The following NOL10 variants were observed in gnomAD, a reference collection of about 807,000 sequenced individuals.
NOL10 encodes nucleolar protein 10.
In NOL10, 58 loss-of-function variants were observed where a neutral mutation model predicts 103.5. That is an observed-to-expected ratio of 0.56 (90% CI 0.45 to 0.70). The LOEUF is 0.70. NOL10 is among the 30% of genes least tolerant of loss of function. The pLI is 0.00. For synonymous variants in NOL10, 287 were observed against 282.5 expected (o/e 1.02, Z -0.16); for missense variants, 763 against 807.3 (o/e 0.95, Z 0.67).
chr2:10,584,340 CTGA>C (rs1432575627), intron 19 of NOL10, among the ~76,000 whole-genome samples: 9 of 152,104 alleles, frequency 5.9e-5, no homozygotes, highest in African/African-American at 2.2e-4. Context: ...GGTGGAGAGG[CTGA>C]TAAGTGGATG....
intron 1 of NOL10, among the ~76,000 whole-genome samples, chr2:10,686,952 G>T (rs892004761): frequency 6.6e-6 from 1 of 152,216 alleles, no homozygotes; most frequent in Non-Finnish European, 1.5e-5. Flanking sequence ...CACAAGTCCA[G>T]TTCAGAGTAG....
At chr2:10,650,153 A>G (rs1679358798) in intron 12 of NOL10, among the ~76,000 whole-genome samples, 1 of 152,208 alleles carries the variant, frequency 6.6e-6, no homozygotes. Context: ...TCTACAATTA[A>G]AATGTTAGCA....
chr2:10,632,398 G>C (rs1375506135), intron 13 of NOL10, among the ~76,000 whole-genome samples: 3 of 152,180 alleles, frequency 2.0e-5, no homozygotes, highest in Non-Finnish European at 2.9e-5. Context: ...ATACATAAAT[G>C]AATGGGCTCA....
chr2:10,668,241 G>A (rs1231003316), intron 7 of NOL10, among the ~76,000 whole-genome samples: 2 of 152,102 alleles, frequency 1.3e-5, no homozygotes, highest in Non-Finnish European at 2.9e-5. Context: ...GTACATATGT[G>A]TAGACTATAA....
Position 10,663,264 on chromosome 2 carries a change from G to A in NOL10, c.592-220C>T, listed in dbSNP as rs193297695. Among the ~76,000 whole-genome samples the A allele has an allele frequency of 2.6e-5, 4 of 152,090 alleles. No individual in the cohort carries two copies. The East Asian group carries it at 7.7e-4, about 29-fold the overall frequency. ...CGCCTGTAATCCCAGCTACTTGGGA[G>A]GCTAAGGCAGAAGAACTGCTTGAAC... On this transcript the variant is annotated intron_variant, in intron 8 of 20. Transcript: ENST00000381685.
chr2:10,583,796 C>T (rs1407702914), intron 19 of NOL10, among the ~76,000 whole-genome samples: 1 of 152,226 alleles, frequency 6.6e-6, no homozygotes, highest in Non-Finnish European at 1.5e-5. Context: ...GAGCTGGTCT[C>T]TGGGTGTCCA....
At position 10,689,941 on chromosome 2, in the gene NOL10, C is replaced by A. The variant is rs927696203; in HGVS notation, c.-80G>T. ...CACCGTAATCCCGGGACCTCCGAGC[C>A]CCTGCTCCGCGGCGTGCGGCCGCTG... On this transcript the variant is annotated 5_prime_UTR_variant, in exon 1 of 21. Transcript: ENST00000381685. 6.6e-6 allele frequency: 9 copies of A among 1,367,532 alleles called. No homozygotes were observed. Among genetic ancestry groups the A allele is most frequent in the African/African-American group, 1.4e-5 (1 of 69,208 alleles). The allele number at this position is 1,367,532 out of a possible 1,614,324, so 84.7% of individuals were successfully genotyped here. A position where few individuals can be genotyped will look rare whatever the true frequency, so the allele number is the denominator to read the frequency against.
intron 12 of NOL10, among the ~76,000 whole-genome samples, chr2:10,645,944 T>TACACACATACACACACAC (rs1553308323): frequency 2.7e-5 from 4 of 147,592 alleles, no homozygotes; most frequent in African/African-American, 9.9e-5. Flanking sequence ...CACACACACA[T>TACACACATACACACACAC]ACACACACAC....
intron 17 of NOL10, among the ~76,000 whole-genome samples, chr2:10,596,405 C>A (rs1205068989): frequency 6.6e-6 from 1 of 152,126 alleles, no homozygotes; most frequent in African/African-American, 2.4e-5. Flanking sequence ...GAGCCTTGAG[C>A]TTGTTTTCCT....
At position 10,634,416 on chromosome 2, in the gene NOL10, G is replaced by A. The variant is rs1211211002; in HGVS notation, c.1026+9904C>T. 1.3e-5 allele frequency: 6 copies of A among 446,270 alleles called. No homozygotes were observed. In the East Asian group the frequency reaches 3.5e-4, roughly 26 times the overall value. 27.6% of individuals were successfully genotyped at this position (446,270 alleles called of 1,614,324 possible). The stretch of plus-strand genomic sequence containing the variant: ...CAACAACAAGGCTTCAGCTGAAATG[G>A]AGACCCTGGCAGGTGGGGTGCAGGT... On this transcript the variant is annotated intron_variant, in intron 13 of 20. Coordinates refer to ENST00000381685, the MANE Select transcript of NOL10 (RefSeq NM_024894.4).
intron 13 of NOL10, among the ~76,000 whole-genome samples, chr2:10,613,070 A>G (rs1676654940): frequency 6.6e-6 from 1 of 151,974 alleles, no homozygotes; most frequent in Non-Finnish European, 1.5e-5. Context: ...ACATGGAAAA[A>G]GGACCTAAGT....
chr2:10,656,648 C>G (rs1249023087), intron 11 of NOL10, among the ~76,000 whole-genome samples: 1 of 152,260 alleles, frequency 6.6e-6, no homozygotes, highest in Non-Finnish European at 1.5e-5. Flanking sequence ...GAGGGGCTGT[C>G]TGCAGCGTGT....
At chr2:10,624,086 T>C (rs1287621551) in intron 13 of NOL10, among the ~76,000 whole-genome samples, 2 of 152,220 alleles carry the variant, frequency 1.3e-5, no homozygotes, top group African/African-American at 4.8e-5. Context: ...TCTGTTAGGT[T>C]ATTCCCTGTT....
At chr2:10,578,691 G>A (rs988354878) in intron 19 of NOL10, among the ~76,000 whole-genome samples, 21 of 152,060 alleles carry the variant, frequency 1.4e-4, no homozygotes, top group Admixed American at 1.3e-3. Flanking sequence ...CTAGAACACT[G>A]GCCCTTTTTG....
chr2:10,607,027 A>C (rs1196562115), intron 14 of NOL10, among the ~76,000 whole-genome samples, 158 bp downstream of exon 14: 1 of 152,236 alleles, frequency 6.6e-6, no homozygotes. Flanking sequence ...AAAGGTTACA[A>C]ATCTGACAAT....
At chr2:10,613,027 C>G (rs2148204316) in intron 13 of NOL10, among the ~76,000 whole-genome samples, 2 of 148,344 alleles carry the variant, frequency 1.3e-5, no homozygotes, top group Middle Eastern at 3.5e-3. Context: ...AGAAAGAAGA[C>G]CAGAGAAGAC....
intron 6 of NOL10, among the ~76,000 whole-genome samples, chr2:10,670,500 C>T (rs1680856735): frequency 6.6e-6 from 1 of 152,060 alleles, no homozygotes; most frequent in Non-Finnish European, 1.5e-5. Context: ...TTTGGGAGGC[C>T]GAGGTGGGTG....
intron 1 of NOL10, among the ~76,000 whole-genome samples, chr2:10,688,510 C>T (rs1014748832): frequency 1.3e-5 from 2 of 152,242 alleles, no homozygotes; most frequent in African/African-American, 4.8e-5. Context: ...ACACGACTGG[C>T]TCCTCTTCAT....
chr2:10,584,752 G>T (rs551965753), intron 19 of NOL10, among the ~76,000 whole-genome samples: 16 of 152,134 alleles, frequency 1.1e-4, no homozygotes, highest in Non-Finnish European at 2.4e-4. Flanking sequence ...TTAACTTGGT[G>T]ATATTTAACT....
Sources: allele counts gnomAD v4.1 joint callset (sites outside exome capture counted in the v4.1 genomes callset), GRCh38; gene constraint gnomAD v4.1.1; transcripts MANE v1.5; gene names NCBI Gene and HGNC (gene_info 2026-07-23, HGNC 2026-07-21).